MGAT5: variants seen among roughly 807,000 people sequenced by gnomAD.
MGAT5 encodes the protein alpha-1,6-mannosylglycoprotein 6-beta-N-acetylglucosaminyltransferase, also known as alpha-1,6-mannosylglycoprotein 6-beta-N-acetylglucosaminyltransferase A.
A neutral mutation model predicts 94.3 loss-of-function variants in MGAT5; 30 were observed. That is an observed-to-expected ratio of 0.32 (90% CI 0.24 to 0.43). The LOEUF (loss-of-function observed/expected upper bound fraction) is 0.43, where lower values mean the gene tolerates loss of function less well. Ranked by LOEUF, MGAT5 falls within the 20% of genes least tolerant of loss-of-function variation. MGAT5 has a pLI of 1.00. For missense variants in MGAT5, 691 were observed against 905.5 expected, an observed-to-expected ratio of 0.76 and a Z score of 3.04; for synonymous variants, 310 against 322.9, an observed-to-expected ratio of 0.96 and a Z score of 0.43.
chr2:134,236,166 G>A lies in MGAT5; in HGVS notation c.-142-18096G>A, dbSNP rs140660052. On this transcript the variant is annotated intron_variant, in intron 1 of 16. Coordinates refer to the MGAT5 transcript ENST00000409645. Reference sequence around the variant, plus strand: ...TCTGCCCCTAGCCCTGTAACTCTGCGCAGTGTTCAGAGTTGTTCTTCACGG... The same window carrying A: ...TCTGCCCCTAGCCCTGTAACTCTGCACAGTGTTCAGAGTTGTTCTTCACGG... Among the ~76,000 whole-genome samples, 543 of 152,302 alleles carry A rather than the reference G, an allele frequency of 3.6e-3. 2 individuals carry two copies. Among genetic ancestry groups the A allele is most frequent in the African/African-American group, 4.9e-3 (204 of 41,566 alleles).
At chr2:134,160,642 ATTCT>A (rs1464523977) in intron 1 of MGAT5, among the ~76,000 whole-genome samples, 2 of 152,224 alleles carry the variant, frequency 1.3e-5, no homozygotes, top group Admixed American at 6.5e-5. Context: ...GTAAGGGGTC[ATTCT>A]TTCTTCTAGG....
chr2:134,414,320 G>A (rs1276621538), intron 12 of MGAT5, among the ~76,000 whole-genome samples: 1 of 152,086 alleles, frequency 6.6e-6, no homozygotes, highest in Non-Finnish European at 1.5e-5. Flanking sequence ...CAGAGACTGG[G>A]GACATTCAGT....
intron 1 of MGAT5, among the ~76,000 whole-genome samples, chr2:134,200,654 A>G (rs1052221641): frequency 6.6e-6 from 1 of 152,150 alleles, no homozygotes; most frequent in African/African-American, 2.4e-5. Flanking sequence ...CTCTGTTTTA[A>G]TCACGAAGTA....
intron 2 of MGAT5, among the ~76,000 whole-genome samples, chr2:134,296,259 G>T (rs1367767391): frequency 6.6e-5 from 10 of 152,130 alleles, no homozygotes; most frequent in Non-Finnish European, 1.5e-4. Flanking sequence ...AATTTTAAAA[G>T]TTATTACCAC....
chr2:134,410,165 A>G lies in MGAT5; in HGVS notation c.1531-2704A>G, dbSNP rs113234227. Among the ~76,000 whole-genome samples the G allele has an allele frequency of 8.6e-3, 1,317 of 152,288 alleles. 24 individuals carry two copies. Among genetic ancestry groups the G allele is most frequent in the African/African-American group, 0.03 (1,242 of 41,556 alleles). On this transcript the variant is annotated intron_variant, in intron 11 of 15. Coordinates refer to ENST00000281923, the MANE Select transcript of MGAT5 (RefSeq NM_002410.5). ...ATAGCAGGAGATTAGGGGAAAAGCA[A>G]TTCAGTGTGGTTAAGGTGCCAATGT... is the stretch of plus-strand genomic sequence containing the variant.
chr2:134,161,805 T>G (rs1189362091), intron 1 of MGAT5, among the ~76,000 whole-genome samples: 1 of 152,118 alleles, frequency 6.6e-6, no homozygotes, highest in East Asian at 1.9e-4. Flanking sequence ...ATAGTACCAG[T>G]GTATTTTTCT....
At chr2:134,229,971 A>G (rs1000038728) in intron 1 of MGAT5, among the ~76,000 whole-genome samples, 2 of 152,244 alleles carry the variant, frequency 1.3e-5, no homozygotes, top group African/African-American at 4.8e-5. Context: ...CCACAATGAA[A>G]TAGCACTTTA....
Position 134,268,992 on chromosome 2 carries a change from C to G in MGAT5, c.242-1394C>G, listed in dbSNP as rs951855792. On this transcript the variant is annotated intron_variant, in intron 1 of 15. Transcript: ENST00000281923. The surrounding 1 kb of genome is among the most constrained non-coding windows in gnomAD (Gnocchi z 4.1). ...GGGAATTAAGCAGTCCTGAGGCAAG[C>G]CCTCATTTTATCAGCTCATTATTTA... Among the ~76,000 whole-genome samples the G allele has an allele frequency of 3.3e-5, 5 of 152,188 alleles. No individual in the cohort carries two copies. The highest frequency in any genetic ancestry group is 1.2e-4 in the African/African-American group (5 of 41,442).
chr2:134,413,734 TTAG>T (rs1377513397), intron 12 of MGAT5, among the ~76,000 whole-genome samples: 2 of 152,174 alleles, frequency 1.3e-5, no homozygotes, highest in African/African-American at 4.8e-5. Context: ...TTCTATGTAG[TTAG>T]TAGTAAGTGA....
At chr2:134,262,704 AT>A (rs1471411688) in intron 1 of MGAT5, among the ~76,000 whole-genome samples, 1 of 152,336 alleles carries the variant, frequency 6.6e-6, no homozygotes, top group African/African-American at 2.4e-5. Context: ...ATTAAAATGC[AT>A]TCATTCCTAT....
chr2:134,135,266 A>G (rs1686350767), intron 1 of MGAT5, among the ~76,000 whole-genome samples: 2 of 152,230 alleles, frequency 1.3e-5, no homozygotes, highest in Admixed American at 1.3e-4. Flanking sequence ...TTATAAGTTC[A>G]CTGTAAGCCC....
intron 1 of MGAT5, among the ~76,000 whole-genome samples, chr2:134,256,024 A>G (rs916559952): frequency 6.6e-6 from 1 of 152,232 alleles, no homozygotes; most frequent in Non-Finnish European, 1.5e-5. Flanking sequence ...GGAACATTTT[A>G]GAAATTCTTT....
At position 134,349,957 on chromosome 2, in the gene MGAT5, T is replaced by A; in HGVS notation, c.1246+19T>A. 1.2e-6 allele frequency: 2 copies of A among 1,612,498 alleles called. No homozygotes were observed. The highest frequency in any genetic ancestry group is 1.7e-6 in the Non-Finnish European group (2 of 1,178,968). Reference sequence around the variant, plus strand: ...ATGTTCCGTGAGTATTCCTGTTTCATGTATGCTTTCCAGAATGCCACCAAA... The same window carrying A: ...ATGTTCCGTGAGTATTCCTGTTTCAAGTATGCTTTCCAGAATGCCACCAAA... On this transcript the variant is annotated intron_variant, in intron 9 of 15. Coordinates refer to ENST00000281923, the MANE Select transcript of MGAT5 (RefSeq NM_002410.5).
intron 1 of MGAT5, among the ~76,000 whole-genome samples, chr2:134,168,580 A>T (rs1688059497): frequency 6.6e-6 from 1 of 152,240 alleles, no homozygotes. Context: ...TGTGGATGAA[A>T]GCCACGTGAA....
intron 1 of MGAT5, among the ~76,000 whole-genome samples, chr2:134,185,066 C>T (rs1688937518): frequency 6.6e-6 from 1 of 151,926 alleles, no homozygotes; most frequent in African/African-American, 2.4e-5. Context: ...TACGTTCTCA[C>T]TTATAAGTGG....
chr2:134,279,012 C>T (rs945811351), intron 2 of MGAT5, among the ~76,000 whole-genome samples: 2 of 152,202 alleles, frequency 1.3e-5, no homozygotes, highest in African/African-American at 4.8e-5. Flanking sequence ...GTAAGCTCCT[C>T]AAAGGCATGG....
At chr2:134,223,601 T>G (rs1390830244) in intron 1 of MGAT5, among the ~76,000 whole-genome samples, 1 of 152,214 alleles carries the variant, frequency 6.6e-6, no homozygotes, top group Non-Finnish European at 1.5e-5. Flanking sequence ...AATGCTTTAA[T>G]CTGCACTCAA....
intron 1 of MGAT5, among the ~76,000 whole-genome samples, chr2:134,230,680 T>C (rs966139505): frequency 6.6e-6 from 1 of 152,198 alleles, no homozygotes; most frequent in African/African-American, 2.4e-5. Flanking sequence ...TATGGTGAAA[T>C]TGGAACCTTC....
At chr2:134,217,571 T>C (rs1427460211) in intron 1 of MGAT5, among the ~76,000 whole-genome samples, 2 of 152,166 alleles carry the variant, frequency 1.3e-5, no homozygotes, top group East Asian at 3.9e-4. Context: ...TTAACCTCAG[T>C]AGGAACATTC....
Sources: gnomAD v4.1 joint callset for allele counts (sites outside exome capture counted in the v4.1 genomes callset) on GRCh38, gnomAD v4.1.1 for gene constraint, Gnocchi (gnomAD v3.1) non-coding constraint, MANE v1.5 for transcripts, NCBI Gene and HGNC (gene_info 2026-07-23, HGNC 2026-07-21) for gene names.